NALCN: variants seen among roughly 807,000 people sequenced by gnomAD.
NALCN encodes the protein sodium leak channel NALCN.
In NALCN, 111 loss-of-function variants were observed where a neutral mutation model predicts 225.3. The ratio of observed to expected loss-of-function variants is 0.49; its 90% CI spans 0.42 to 0.58. The LOEUF (loss-of-function observed/expected upper bound fraction) is 0.58. Among genes scored for constraint, NALCN ranks in the 20% least tolerant of loss-of-function variants. The probability of loss-of-function intolerance (pLI) is 0.00; values close to 1 mark genes in which losing one functional copy is unlikely to be tolerated. For synonymous variants in NALCN, 764 were observed against 769.0 expected, an observed-to-expected ratio of 0.99 and a Z score of 0.11; for missense variants, 1,378 against 2,202.4, an observed-to-expected ratio of 0.63 and a Z score of 7.49.
At chr13:101,107,359 TGA>T in intron 22 of NALCN, 126 bp downstream of exon 22, 1 of 1,476,038 alleles carries the variant, frequency 6.8e-7, no homozygotes, top group East Asian at 2.3e-5. Flanking sequence ...AGGAGCAGCA[TGA>T]TTAATTAGTC....
intron 10 of NALCN, among the ~76,000 whole-genome samples, chr13:101,267,202 AGAGT>A (rs1428590252): frequency 6.6e-6 from 1 of 152,206 alleles, no homozygotes; most frequent in Non-Finnish European, 1.5e-5. Flanking sequence ...CTACTCTGTA[AGAGT>A]AAGGTTAGAT....
intron 6 of NALCN, among the ~76,000 whole-genome samples, chr13:101,349,419 T>C (rs375411508): frequency 3.3e-5 from 5 of 152,158 alleles, no homozygotes; most frequent in East Asian, 1.9e-4. Context: ...TAATGTTGCA[T>C]AGCAAAAGGG....
At chr13:101,384,306 G>A (rs1393722525) in intron 3 of NALCN, among the ~76,000 whole-genome samples, 2 of 152,002 alleles carry the variant, frequency 1.3e-5, no homozygotes, top group South Asian at 2.1e-4. Context: ...TGAGCTATGC[G>A]CAAAAATCAG....
At chr13:101,230,027 C>T (rs943126667) in intron 12 of NALCN, among the ~76,000 whole-genome samples, 9 of 152,102 alleles carry the variant, frequency 5.9e-5, no homozygotes, top group African/African-American at 2.2e-4. Context: ...TGTATACACA[C>T]TTTGTTTCAT....
At chr13:101,060,232 GTATTT>G (rs2031746900) in intron 41 of NALCN, among the ~76,000 whole-genome samples, 1 of 115,704 alleles carries the variant, frequency 8.6e-6, no homozygotes, top group Admixed American at 8.0e-5. Flanking sequence ...ATTGATGCTT[GTATTT>G]TATTTATTTG....
At chr13:101,224,186 C>T (rs764134295) in intron 13 of NALCN, among the ~76,000 whole-genome samples, 1 of 152,182 alleles carries the variant, frequency 6.6e-6, no homozygotes, top group Admixed American at 6.6e-5. Flanking sequence ...TACTTCCCTT[C>T]GCCTCACCTA....
chr13:101,369,019 CA>C (rs2046461637), intron 6 of NALCN: 6 of 359,284 alleles, frequency 1.7e-5, no homozygotes, highest in Admixed American at 6.7e-5. Flanking sequence ...AAAACAACAA[CA>C]AAAAAGATAT....
At chr13:101,058,607 C>T (rs1202038297) in intron 42 of NALCN, 1 of 152,598 alleles carries the variant, frequency 6.6e-6, no homozygotes, top group Non-Finnish European at 1.5e-5. Flanking sequence ...GTTCACCTGT[C>T]ACCTCTCCCT....
chr13:101,070,844 T>C (rs2032825732), intron 37 of NALCN, among the ~76,000 whole-genome samples: 1 of 152,200 alleles, frequency 6.6e-6, no homozygotes, highest in Admixed American at 6.5e-5. Context: ...TACCTGAGAC[T>C]GGGTAATTTA....
intron 17 of NALCN, among the ~76,000 whole-genome samples, chr13:101,135,856 C>G (rs1214424138): frequency 2.6e-5 from 4 of 152,110 alleles, no homozygotes; most frequent in African/African-American, 7.2e-5. Flanking sequence ...ATGTAAATTT[C>G]CAAGATAGAT....
chr13:101,411,247 C>T (rs1470282764), intron 1 of NALCN, among the ~76,000 whole-genome samples: 3 of 151,310 alleles, frequency 2.0e-5, no homozygotes, highest in Non-Finnish European at 4.4e-5. Flanking sequence ...AGATGAAATG[C>T]TGACTCCCAA....
Position 101,275,056 on chromosome 13 carries a change from A to G in NALCN, c.1134+8877T>C, listed in dbSNP as rs557371364. 4.6e-5 allele frequency among the ~76,000 whole-genome samples: 7 copies of G among 152,274 alleles called. No individual in the cohort carries two copies. The South Asian group carries it at 1.5e-3, about 32-fold the overall frequency. ...GGGAAATCCAATACTTGGCTTCAGC[A>G]GACCTGCTCTTTCCTTCCATTTGCA... On this transcript the variant is annotated intron_variant, in intron 10 of 43. Transcript: ENST00000251127.
In NALCN at chr13:101,073,694, A is replaced by G. The variant is rs1033082872; in HGVS notation, c.4104-17T>C. On this transcript the variant is annotated splice_polypyrimidine_tract_variant and intron_variant, in intron 36 of 43. Transcript: ENST00000251127. ...TTTGCATGCCTAATTTAAGAAAAAA[A>G]AATTAACAGAATGTGAATTATAGAA... 3.1e-6 allele frequency: 5 copies of G among 1,596,422 alleles called. No homozygotes were observed. Among genetic ancestry groups the G allele is most frequent in the Non-Finnish European group, 4.3e-6 (5 of 1,166,988 alleles).
chr13:101,068,866 T>C (rs377105626), intron 37 of NALCN, 39 bp from the exon 38 acceptor site: 1 of 1,535,314 alleles, frequency 6.5e-7, no homozygotes, highest in Non-Finnish European at 8.7e-7. Flanking sequence ...AGGATAAGAG[T>C]AGAGAATACA....
rs772363976 is a variant in NALCN at position 101,107,692 on chromosome 13, C to A, written c.2456+6G>T. Reference sequence around the variant, plus strand: ...GAGAGCCATGGGACACTGCAGCAACCTGTACCTTTTCATCTCTGCTTGCTC... The same window carrying A: ...GAGAGCCATGGGACACTGCAGCAACATGTACCTTTTCATCTCTGCTTGCTC... On this transcript the variant is annotated splice_donor_region_variant and intron_variant, in intron 21 of 43. Coordinates refer to ENST00000251127, the MANE Select transcript of NALCN (RefSeq NM_052867.4). 1.9e-6 allele frequency: 3 copies of A among 1,613,950 alleles called. No homozygotes were observed. In the South Asian group the frequency reaches 3.3e-5, roughly 18 times the overall value.
chr13:101,351,503 C>A (rs1456350788), intron 6 of NALCN, among the ~76,000 whole-genome samples: 1 of 152,104 alleles, frequency 6.6e-6, no homozygotes, highest in East Asian at 1.9e-4. Flanking sequence ...ACAAACAATA[C>A]CTCAGGACCT....
In NALCN at chr13:101,105,038, C is replaced by A. The variant is rs533492693; in HGVS notation, c.2580-88G>T. ...TCATATTTGCAAACATCTCATCTACCTAAAATCTCTTTTACAGCCTCTCTA... is the reference window on the plus strand; with the variant it reads ...TCATATTTGCAAACATCTCATCTACATAAAATCTCTTTTACAGCCTCTCTA... On this transcript the variant is annotated intron_variant, in intron 22 of 43. Coordinates refer to ENST00000251127, the MANE Select transcript of NALCN (RefSeq NM_052867.4). 5.4e-5 allele frequency: 63 copies of A among 1,158,790 alleles called. No individual in the cohort carries two copies. In the African/African-American group the frequency reaches 9.0e-4, roughly 17 times the overall value. The allele number at this position is 1,158,790 out of a possible 1,614,324, so 71.8% of individuals were successfully genotyped here.
At chr13:101,348,927 A>AT (rs1479407273) in intron 6 of NALCN, among the ~76,000 whole-genome samples, 1 of 152,088 alleles carries the variant, frequency 6.6e-6, no homozygotes, top group Non-Finnish European at 1.5e-5. Flanking sequence ...TCTTTGTTTC[A>AT]TTTTTTTCAG....
At chr13:101,393,815 AAAAC>A (rs1162259392) in intron 3 of NALCN, among the ~76,000 whole-genome samples, 3 of 152,188 alleles carry the variant, frequency 2.0e-5, no homozygotes, top group African/African-American at 7.2e-5. Flanking sequence ...CCCAAAAACG[AAAAC>A]AAAAACAATC....
Sources: gnomAD v4.1 joint callset for allele counts (sites outside exome capture counted in the v4.1 genomes callset) on GRCh38, gnomAD v4.1.1 for gene constraint, MANE v1.5 for transcripts, NCBI Gene and HGNC (gene_info 2026-07-23, HGNC 2026-07-21) for gene names.